CTNNA3: variants seen among roughly 807,000 people sequenced by gnomAD.
CTNNA3 encodes catenin alpha 3, also known as catenin alpha-3.
A neutral mutation model predicts 95.7 loss-of-function variants in CTNNA3; 76 were observed. The observed-to-expected ratio is 0.79, with a 90% CI of 0.66 to 0.96. The LOEUF (loss-of-function observed/expected upper bound fraction) is 0.96, where lower values mean the gene tolerates loss of function less well. Ranked by LOEUF, CTNNA3 falls within the 40% of genes least tolerant of loss-of-function variation. The pLI is 0.00. For missense variants in CTNNA3, 1,191 were observed against 1,089.8 expected, an observed-to-expected ratio of 1.09 and a Z score of -1.31; for synonymous variants, 431 against 374.4, an observed-to-expected ratio of 1.15 and a Z score of -1.74.
Position 66,800,696 on chromosome 10 carries a change from TA to T in CTNNA3, c.1048-25173del, listed in dbSNP as rs560390906. On this transcript the variant is annotated intron_variant, in intron 7 of 17. Coordinates refer to ENST00000433211, the MANE Select transcript of CTNNA3 (RefSeq NM_013266.4). Reference sequence around the variant, plus strand: ...TAACAATCAGGAAACTACAACTATATAGGAACTATATAAAGACATGAATAAA... The same window carrying T: ...TAACAATCAGGAAACTACAACTATATGGAACTATATAAAGACATGAATAAA... Among the ~76,000 whole-genome samples, 35 of 151,446 alleles carry T rather than the reference TA, an allele frequency of 2.3e-4. 1 individual carries two copies. The South Asian group carries it at 7.1e-3, about 31-fold the overall frequency.
Position 66,690,361 on chromosome 10 carries a change from A to C in CTNNA3, c.1282-68577T>G, listed in dbSNP as rs182087485. On this transcript the variant is annotated intron_variant, in intron 9 of 17. Coordinates refer to ENST00000433211, the MANE Select transcript of CTNNA3 (RefSeq NM_013266.4). ...TTATTATACTTTAAGTTTTAGGGTAAATGTGCACAATATGCAGGTTAGTTA... is the reference window on the plus strand; with the variant it reads ...TTATTATACTTTAAGTTTTAGGGTACATGTGCACAATATGCAGGTTAGTTA... 7.6e-3 allele frequency among the ~76,000 whole-genome samples: 1,151 copies of C among 151,548 alleles called. 14 individuals are homozygous for C. The highest frequency in any genetic ancestry group is 0.026 in the African/African-American group (1,092 of 41,288).
intron 1 of CTNNA3, among the ~76,000 whole-genome samples, chr10:67,688,638 G>T (rs977853390): frequency 6.6e-6 from 1 of 152,100 alleles, no homozygotes; most frequent in African/African-American, 2.4e-5. Flanking sequence ...CTCTTTTTCA[G>T]GGTTTGCAGG....
chr10:67,394,780 T>A (rs1348201180), intron 5 of CTNNA3, among the ~76,000 whole-genome samples: 1 of 152,124 alleles, frequency 6.6e-6, no homozygotes, highest in East Asian at 1.9e-4. Context: ...GCCAATGTAT[T>A]TGTGGCATTT....
intron 7 of CTNNA3, among the ~76,000 whole-genome samples, chr10:67,076,510 G>A (rs1856759950): frequency 6.6e-6 from 1 of 152,156 alleles, no homozygotes; most frequent in Non-Finnish European, 1.5e-5. Context: ...AGAATGCCAA[G>A]CCCTTCTTCT....
At chr10:66,443,973 C>G (rs150925869) in intron 11 of CTNNA3, among the ~76,000 whole-genome samples, 17,766 of 151,930 alleles carry the variant, frequency 0.12, 1,509 homozygotes, top group African/African-American at 0.24. Flanking sequence ...GCAGAGAAGT[C>G]CTTAAAGGAG....
At position 66,037,021 on chromosome 10, in the gene CTNNA3, C is replaced by T. The variant is rs1003797292; in HGVS notation, c.2159+32287G>A. On this transcript the variant is annotated intron_variant, in intron 15 of 17. Coordinates refer to ENST00000433211, the MANE Select transcript of CTNNA3 (RefSeq NM_013266.4). ...CCGAGTAGCTGGGACTACAGGCACC[C>T]GCCACCATGCCCGGCTAATTTTTTG... 1.3e-3 allele frequency among the ~76,000 whole-genome samples: 194 copies of T among 151,790 alleles called. 2 individuals are homozygous for T. Among genetic ancestry groups the T allele is most frequent in the African/African-American group, 4.3e-3 (177 of 41,408 alleles).
intron 3 of CTNNA3, among the ~76,000 whole-genome samples, chr10:67,568,808 A>G (rs751868434): frequency 4.6e-5 from 7 of 152,130 alleles, no homozygotes; most frequent in Non-Finnish European, 7.4e-5. Flanking sequence ...GGTATTTACC[A>G]CCAATTGCTC....
intron 14 of CTNNA3, among the ~76,000 whole-genome samples, chr10:66,087,921 C>CA (rs2081051780): frequency 1.3e-5 from 2 of 151,930 alleles, no homozygotes; most frequent in Non-Finnish European, 2.9e-5. Context: ...AGATAGAGAA[C>CA]AAAAATTTCG....
At chr10:66,933,719 T>C (rs1847535592) in intron 7 of CTNNA3, among the ~76,000 whole-genome samples, 1 of 151,852 alleles carries the variant, frequency 6.6e-6, no homozygotes, top group Admixed American at 6.6e-5. Flanking sequence ...AATCACTGGA[T>C]AAAAAGGGGT....
Position 67,630,870 on chromosome 10 carries a change from T to G in CTNNA3, c.99+16545A>C, listed in dbSNP as rs111407153. On this transcript the variant is annotated intron_variant, in intron 2 of 17. Transcript: ENST00000433211. ...GTTATTACTATTATTTTAAGGGATT[T>G]TGAGTAAGTCAATTCTTTTAACTCA... 1.9e-3 allele frequency among the ~76,000 whole-genome samples: 286 copies of G among 152,348 alleles called. 3 individuals are homozygous for G. Among genetic ancestry groups the G allele is most frequent in the African/African-American group, 6.6e-3 (274 of 41,592 alleles).
chr10:67,610,986 C>A (rs1375571269), intron 2 of CTNNA3, among the ~76,000 whole-genome samples: 1 of 152,108 alleles, frequency 6.6e-6, no homozygotes, highest in East Asian at 1.9e-4. Flanking sequence ...AAAGACACAC[C>A]TTCATCGTAG....
chr10:67,281,414 G>A (rs963192234), intron 5 of CTNNA3, among the ~76,000 whole-genome samples: 2 of 152,010 alleles, frequency 1.3e-5, no homozygotes, highest in African/African-American at 2.4e-5. Flanking sequence ...ATATCAGCAC[G>A]CTGAGTGCTC....
At chr10:66,318,946 A>T (rs1279361581) in intron 12 of CTNNA3, among the ~76,000 whole-genome samples, 1 of 151,494 alleles carries the variant, frequency 6.6e-6, no homozygotes, top group Non-Finnish European at 1.5e-5. Context: ...CCCTTTCCCT[A>T]TTACTTTAAG....
At chr10:67,019,500 G>T (rs544377730) in intron 7 of CTNNA3, among the ~76,000 whole-genome samples, 11 of 152,200 alleles carry the variant, frequency 7.2e-5, no homozygotes, top group African/African-American at 2.7e-4. Flanking sequence ...TTACAGGCAT[G>T]AGCCACCGTA....
chr10:67,389,280 AC>A (rs1258089900), intron 5 of CTNNA3, among the ~76,000 whole-genome samples: 85 of 151,574 alleles, frequency 5.6e-4, no homozygotes, highest in African/African-American at 1.9e-3. Flanking sequence ...GATAAAACAG[AC>A]TTTAAACCAA....
At chr10:67,370,135 G>T (rs1166669915) in intron 5 of CTNNA3, among the ~76,000 whole-genome samples, 1 of 151,978 alleles carries the variant, frequency 6.6e-6, no homozygotes, top group African/African-American at 2.4e-5. Context: ...CATCAATAAA[G>T]GACTGGTCAA....
At chr10:66,574,685 C>T (rs938633613) in intron 10 of CTNNA3, among the ~76,000 whole-genome samples, 1 of 151,840 alleles carries the variant, frequency 6.6e-6, no homozygotes, top group Non-Finnish European at 1.5e-5. Flanking sequence ...TATTAAAGTA[C>T]AAAACACTTA....
At position 66,166,017 on chromosome 10, in the gene CTNNA3, C is replaced by T. The variant is rs553570781; in HGVS notation, c.1885-62768G>A. Among the ~76,000 whole-genome samples, 13 of 152,088 alleles carry T rather than the reference C, an allele frequency of 8.5e-5. No individual in the cohort carries two copies. The East Asian group carries it at 1.6e-3, about 18-fold the overall frequency. The stretch of plus-strand genomic sequence containing the variant: ...TCCTGACCTTGTGATCCATCCTCTT[C>T]GGCCTCCCAAAGTGCTGGGATTACA... On this transcript the variant is annotated intron_variant, in intron 13 of 17. Transcript: ENST00000433211.
At chr10:66,653,072 G>A (rs892157623) in intron 9 of CTNNA3, among the ~76,000 whole-genome samples, 11 of 152,052 alleles carry the variant, frequency 7.2e-5, no homozygotes, top group African/African-American at 1.4e-4. Flanking sequence ...AAGGATTCCC[G>A]TTCTTTTCGG....
Sources: allele counts gnomAD v4.1 joint callset (sites outside exome capture counted in the v4.1 genomes callset), GRCh38; gene constraint gnomAD v4.1.1; transcripts MANE v1.5; gene names NCBI Gene and HGNC (gene_info 2026-07-23, HGNC 2026-07-21).